Variants in DMD observed in about 807,000 individuals in gnomAD.
DMD encodes the protein dystrophin, also known as mutant dystrophin.
Under a neutral mutation model 330.1 loss-of-function variants are expected in DMD, and 63 were observed. That is an observed-to-expected ratio of 0.19 (90% CI 0.16 to 0.24). DMD has a LOEUF of 0.24. Ranked by LOEUF, DMD falls within the 10% of genes least tolerant of loss-of-function variation. The probability of loss-of-function intolerance (pLI) is 1.00; values close to 1 mark genes in which losing one functional copy is unlikely to be tolerated. For synonymous variants in DMD, 1,223 were observed against 959.8 expected (o/e 1.27, Z -5.07); for missense variants, 3,344 against 2,684.1 (o/e 1.25, Z -5.43).
chrX:32,453,719 C>G (rs997955690), intron 26 of DMD, among the ~76,000 whole-genome samples: 1 of 110,704 alleles, frequency 9.0e-6, no homozygotes, highest in Non-Finnish European at 1.9e-5. Flanking sequence ...GAATTTGGCT[C>G]AGTAAGCTCA....
At chrX:32,986,473 G>T (rs1032569949) in intron 2 of DMD, among the ~76,000 whole-genome samples, 1 of 112,201 alleles carries the variant, frequency 8.9e-6, no homozygotes, top group Non-Finnish European at 1.9e-5. Context: ...CTCTCAGTGA[G>T]TATTAATTGT....
intron 63 of DMD, among the ~76,000 whole-genome samples, chrX:31,252,585 A>G (rs1365468796): frequency 2.7e-5 from 3 of 112,219 alleles, no homozygotes; most frequent in Non-Finnish European, 5.6e-5. Context: ...CAGGACAAAA[A>G]ATCTGAAACT....
chrX:31,309,298 C>T (rs987523678), intron 62 of DMD, among the ~76,000 whole-genome samples: 2 of 111,237 alleles, frequency 1.8e-5, no homozygotes, highest in African/African-American at 3.3e-5. Flanking sequence ...TTAGCTGGGA[C>T]GTTATAGAGG....
intron 2 of DMD, among the ~76,000 whole-genome samples, chrX:32,932,726 C>T (rs2089696757): frequency 1.8e-5 from 2 of 111,813 alleles, no homozygotes; most frequent in South Asian, 7.4e-4. Flanking sequence ...CCCGAAAAGG[C>T]TGGAGAATAT....
chrX:32,797,920 T>G (rs902673432), intron 7 of DMD, among the ~76,000 whole-genome samples: 2 of 112,017 alleles, frequency 1.8e-5, no homozygotes, highest in South Asian at 3.7e-4. Context: ...GCATAGAACC[T>G]AATCCATAAT....
chrX:32,593,611 T>A (rs2055183183), intron 13 of DMD, among the ~76,000 whole-genome samples: 1 of 110,649 alleles, frequency 9.0e-6, no homozygotes, highest in African/African-American at 3.3e-5. Flanking sequence ...GGGTAGATAG[T>A]GACAAATTCT....
intron 9 of DMD, among the ~76,000 whole-genome samples, chrX:32,656,280 T>C (rs2060565171): frequency 8.9e-6 from 1 of 111,797 alleles, no homozygotes; most frequent in Non-Finnish European, 1.9e-5. Flanking sequence ...TGGTGAGCTA[T>C]CCTCAACCGT....
rs1327764715 is a variant in DMD, at chrX:31,967,704, C to T, written c.6614+635G>A. On this transcript the variant is annotated intron_variant, in intron 45 of 78. Transcript: ENST00000357033. ...AACAACTGGAAGCATAATACAAAAT[C>T]CCATTTATAAACTCTCTAGGCTTTC... Among the ~76,000 whole-genome samples the T allele has an allele frequency of 6.3e-5, 7 of 111,292 alleles. No individual in the cohort carries two copies. In the Admixed American group the frequency reaches 6.7e-4, roughly 11 times the overall value.
chrX:33,067,713 C>T (rs992406069), intron 1 of DMD, among the ~76,000 whole-genome samples: 7 of 110,761 alleles, frequency 6.3e-5, no homozygotes, highest in Non-Finnish European at 3.8e-5. Flanking sequence ...GGTGTGGTGA[C>T]GGGCAGCTGT....
intron 21 of DMD, among the ~76,000 whole-genome samples, chrX:32,475,273 T>G (rs2041113376): frequency 8.9e-6 from 1 of 111,812 alleles, no homozygotes; most frequent in Non-Finnish European, 1.9e-5. Context: ...TAGTATAGTT[T>G]GAAATCAGGT....
intron 16 of DMD, among the ~76,000 whole-genome samples, chrX:32,563,030 T>C (rs764935192): frequency 9.9e-5 from 11 of 111,245 alleles, no homozygotes; most frequent in Non-Finnish European, 1.9e-4. Flanking sequence ...CGTGTAACTG[T>C]TTGAAAATAA....
chrX:32,180,817 G>A (rs1386293316), intron 44 of DMD, among the ~76,000 whole-genome samples: 1 of 110,880 alleles, frequency 9.0e-6, no homozygotes, highest in Non-Finnish European at 1.9e-5. Flanking sequence ...CAGATCTTGT[G>A]AGAACTCACT....
chrX:31,146,558 T>C, intron 75 of DMD, 144 bp from the exon 76 acceptor site: 1 of 583,736 alleles, frequency 1.7e-6, no homozygotes. Flanking sequence ...TAATTTGGGA[T>C]ATTTCACTGT....
intron 2 of DMD, among the ~76,000 whole-genome samples, chrX:32,872,635 T>A (rs1030888969): frequency 3.6e-5 from 4 of 111,914 alleles, no homozygotes; most frequent in African/African-American, 1.3e-4. Context: ...GAGATACAAT[T>A]CAAGGTATGA....
intron 45 of DMD, among the ~76,000 whole-genome samples, chrX:31,957,304 A>G (rs1300472873): frequency 8.9e-6 from 1 of 112,074 alleles, no homozygotes; most frequent in Admixed American, 9.5e-5. Context: ...TCTGTTATTC[A>G]CAGCTATGAA....
intron 74 of DMD, among the ~76,000 whole-genome samples, chrX:31,157,296 G>T (rs2148042879): frequency 8.9e-6 from 1 of 111,776 alleles, no homozygotes; most frequent in East Asian, 2.8e-4. Flanking sequence ...ACAAATTCCT[G>T]ATCAGATGCT....
intron 44 of DMD, among the ~76,000 whole-genome samples, chrX:32,135,812 C>A (rs1332991609): frequency 1.8e-5 from 2 of 112,436 alleles, no homozygotes; most frequent in African/African-American, 6.5e-5. Flanking sequence ...AAAATATATA[C>A]CTTATTTAAT....
chrX:32,109,773 T>G (rs971815383), intron 44 of DMD, among the ~76,000 whole-genome samples: 1 of 111,870 alleles, frequency 8.9e-6, no homozygotes, highest in Non-Finnish European at 1.9e-5. Flanking sequence ...GAGGAAATCA[T>G]AAAAGAGCGG....
chrX:32,183,363 G>C (rs1448243851), intron 44 of DMD, among the ~76,000 whole-genome samples: 3 of 108,092 alleles, frequency 2.8e-5, no homozygotes, highest in Non-Finnish European at 5.7e-5. Flanking sequence ...AATCAGCTAA[G>C]TAAATGTTTG....
Sources: gnomAD v4.1 joint callset for allele counts (sites outside exome capture counted in the v4.1 genomes callset) on GRCh38, gnomAD v4.1.1 for gene constraint, MANE v1.5 for transcripts, NCBI Gene and HGNC (gene_info 2026-07-23, HGNC 2026-07-21) for gene names.